The following PRKAR1B variants were observed in gnomAD, a reference collection of about 807,000 sequenced individuals.
PRKAR1B encodes cAMP-dependent protein kinase type I-beta regulatory subunit.
Under a neutral mutation model 46.5 loss-of-function variants are expected in PRKAR1B, and 22 were observed. That is an observed-to-expected ratio of 0.47 (90% CI 0.34 to 0.68). PRKAR1B has a LOEUF of 0.68. Ranked by LOEUF, PRKAR1B falls within the 30% of genes least tolerant of loss-of-function variation. The pLI is 0.01. For synonymous variants in PRKAR1B, 259 were observed against 217.7 expected (o/e 1.19, Z -1.67); for missense variants, 445 against 535.6 (o/e 0.83, Z 1.67).
intron 2 of PRKAR1B, among the ~76,000 whole-genome samples, chr7:707,467 C>T (rs1018231305): frequency 1.3e-5 from 2 of 152,152 alleles, no homozygotes; most frequent in Admixed American, 6.5e-5. Context: ...TGGAGGAAGG[C>T]CTGAGAAAAA....
At chr7:581,696 C>A (rs964659492) in intron 8 of PRKAR1B, among the ~76,000 whole-genome samples, 1 of 152,072 alleles carries the variant, frequency 6.6e-6, no homozygotes, top group East Asian at 1.9e-4. Flanking sequence ...GAAGAAACCA[C>A]AGGGAGATGG....
At chr7:645,279 G>C (rs754596552) in intron 4 of PRKAR1B, among the ~76,000 whole-genome samples, 7 of 152,154 alleles carry the variant, frequency 4.6e-5, no homozygotes, top group Non-Finnish European at 1.0e-4. Context: ...AGGTACAGGC[G>C]AGACCCAGGT....
chr7:624,207 C>T (rs1340660811), intron 4 of PRKAR1B, among the ~76,000 whole-genome samples: 1 of 152,110 alleles, frequency 6.6e-6, no homozygotes, highest in Non-Finnish European at 1.5e-5. Context: ...CTGAGGCAGG[C>T]GGATCACCTG....
At chr7:681,805 T>A (rs1182534405) in intron 2 of PRKAR1B, among the ~76,000 whole-genome samples, 1 of 152,200 alleles carries the variant, frequency 6.6e-6, no homozygotes, top group Admixed American at 6.5e-5. Context: ...TCCGGCATGG[T>A]CTTAGCCAGC....
chr7:724,365 CTA>C (rs1327538517), intron 1 of PRKAR1B, among the ~76,000 whole-genome samples: 1 of 152,164 alleles, frequency 6.6e-6, no homozygotes, highest in Admixed American at 6.5e-5. Context: ...TGTGCTGTTC[CTA>C]TGATGGTGAA....
At chr7:691,912 C>G in intron 2 of PRKAR1B, 1 of 1,057,238 alleles carries the variant, frequency 9.5e-7, no homozygotes, top group South Asian at 2.2e-5. Context: ...CCTGGAGCTG[C>G]GAGTCCCTTG....
At chr7:562,959 A>G (rs140315852) in intron 9 of PRKAR1B, among the ~76,000 whole-genome samples, 165 of 152,364 alleles carry the variant, frequency 1.1e-3, no homozygotes, top group African/African-American at 3.9e-3. Flanking sequence ...ATGAACAGAC[A>G]TTGAGTCCTT....
Position 655,875 on chromosome 7 carries a change from G to A in PRKAR1B, c.440+21354C>T, listed in dbSNP as rs565007165. ...CTCTGGGTGAAACAGAGCAAATGAC[G>A]CCCCTACTTCCTGGGTCCATTGGGG... On this transcript the variant is annotated intron_variant, in intron 4 of 10. Transcript: ENST00000537384. Among the ~76,000 whole-genome samples the A allele has an allele frequency of 3.3e-4, 50 of 152,270 alleles. No individual in the cohort carries two copies. The South Asian group carries it at 0.01, about 31-fold the overall frequency.
chr7:590,019 G>A (rs1341368773), intron 7 of PRKAR1B, among the ~76,000 whole-genome samples: 5 of 152,248 alleles, frequency 3.3e-5, no homozygotes, highest in Admixed American at 6.5e-5. Flanking sequence ...GGAATCTGCT[G>A]CAGGGAGAGG....
intron 2 of PRKAR1B, among the ~76,000 whole-genome samples, chr7:704,673 G>A (rs1780225773): frequency 6.6e-6 from 1 of 152,176 alleles, no homozygotes; most frequent in Non-Finnish European, 1.5e-5. Flanking sequence ...GGAGGCTGAG[G>A]CAGGAGAATC....
At chr7:705,898 C>T (rs7457029) in intron 2 of PRKAR1B, among the ~76,000 whole-genome samples, 15,577 of 152,038 alleles carry the variant, frequency 0.1, 1,115 homozygotes, top group South Asian at 0.17. Context: ...TGGTGGCAGG[C>T]GCCTGTAATC....
chr7:615,090 A>G (rs549396342), intron 4 of PRKAR1B, among the ~76,000 whole-genome samples: 1 of 151,586 alleles, frequency 6.6e-6, no homozygotes, highest in Non-Finnish European at 1.5e-5. Context: ...AAACAGAAAG[A>G]AGGAGAGAGA....
At chr7:650,282 T>C (rs1192073628) in intron 4 of PRKAR1B, among the ~76,000 whole-genome samples, 2 of 152,134 alleles carry the variant, frequency 1.3e-5, no homozygotes, top group Admixed American at 6.5e-5. Flanking sequence ...GTGGACCCTG[T>C]CTGAGGGACC....
intron 4 of PRKAR1B, among the ~76,000 whole-genome samples, chr7:612,569 G>A (rs1297866054): frequency 6.6e-6 from 1 of 152,166 alleles, no homozygotes; most frequent in African/African-American, 2.4e-5. Context: ...ACAGGTGGAT[G>A]GACCGACAGA....
chr7:706,217 T>G (rs369732920), intron 2 of PRKAR1B, among the ~76,000 whole-genome samples: 1 of 152,034 alleles, frequency 6.6e-6, no homozygotes, highest in South Asian at 2.1e-4. Flanking sequence ...TCCCAGCTAC[T>G]CAGGAAGCTG....
At chr7:583,139 C>G (rs1292818146) in intron 8 of PRKAR1B, among the ~76,000 whole-genome samples, 2 of 151,998 alleles carry the variant, frequency 1.3e-5, no homozygotes, top group Admixed American at 6.6e-5. Flanking sequence ...GGAGCGGTGC[C>G]GACAACGTCG....
intron 4 of PRKAR1B, among the ~76,000 whole-genome samples, chr7:650,966 G>A (rs960834175): frequency 6.6e-6 from 1 of 152,108 alleles, no homozygotes; most frequent in Non-Finnish European, 1.5e-5. Context: ...CAGCAAAACA[G>A]TCCTAAGCAT....
intron 4 of PRKAR1B, among the ~76,000 whole-genome samples, chr7:646,922 G>A (rs2128487876): frequency 6.6e-6 from 1 of 152,342 alleles, no homozygotes; most frequent in South Asian, 2.1e-4. Context: ...CCTGGGCTGA[G>A]GGCGGCAGCG....
chr7:659,408 A>C (rs1397025609), intron 4 of PRKAR1B, among the ~76,000 whole-genome samples: 1 of 152,170 alleles, frequency 6.6e-6, no homozygotes, highest in Non-Finnish European at 1.5e-5. Flanking sequence ...TCCAACTGCC[A>C]CATATGATTC....
Sources: allele counts gnomAD v4.1 joint callset (sites outside exome capture counted in the v4.1 genomes callset), GRCh38; gene constraint gnomAD v4.1.1; transcripts MANE v1.5; gene names NCBI Gene and HGNC (gene_info 2026-07-23, HGNC 2026-07-21).